The following CFAP92 variants were observed in gnomAD, a reference collection of about 807,000 sequenced individuals.
CFAP92 encodes the protein cilia and flagella associated protein 92 (putative).
In CFAP92, 86 loss-of-function variants were observed where a neutral mutation model predicts 106.3. That is an observed-to-expected ratio of 0.81 (90% CI 0.68 to 0.97). The LOEUF (loss-of-function observed/expected upper bound fraction) is 0.97. Among genes scored for constraint, CFAP92 ranks in the 50% least tolerant of loss-of-function variants. CFAP92 has a pLI of 0.00. For synonymous variants in CFAP92, 477 were observed against 506.4 expected (o/e 0.94, Z 0.78); for missense variants, 1,204 against 1,283.8 (o/e 0.94, Z 0.95).
intron 9 of CFAP92, among the ~76,000 whole-genome samples, chr3:128,962,103 C>T (rs1299565829): frequency 2.6e-5 from 4 of 152,226 alleles, no homozygotes; most frequent in Non-Finnish European, 4.4e-5. Flanking sequence ...CTGGCAGCCA[C>T]TCCCAGAGCC....
chr3:128,968,851 TA>T, intron 8 of CFAP92: 1 of 158,008 alleles, frequency 6.3e-6, no homozygotes, highest in Non-Finnish European at 1.4e-5. Context: ...CTCACGCCTG[TA>T]ATCCCAGCAC....
intron 11 of CFAP92, 124 bp from the exon 12 acceptor site, chr3:128,933,121 T>TC: frequency 1.1e-6 from 1 of 888,314 alleles, no homozygotes; most frequent in Non-Finnish European, 1.7e-6. Context: ...GTCCTGGAGC[T>TC]TGTGACTAAA....
At chr3:128,961,352 C>CT (rs1941902433) in intron 9 of CFAP92, among the ~76,000 whole-genome samples, 1 of 152,032 alleles carries the variant, frequency 6.6e-6, no homozygotes, top group Admixed American at 6.5e-5. Context: ...GCATCACTGA[C>CT]TCTTTCTAAT....
upstream of CFAP92, among the ~76,000 whole-genome samples, chr3:129,002,885 CG>C (rs970440344): frequency 1.7e-4 from 26 of 152,286 alleles, no homozygotes; most frequent in African/African-American, 6.3e-4. Context: ...CAGGCACTCA[CG>C]GGCCACCAAG....
the CFAP92 span, among the ~76,000 whole-genome samples, chr3:129,025,872 C>CA: frequency 4.6e-5 from 7 of 152,234 alleles, no homozygotes; most frequent in Non-Finnish European, 1.0e-4. Context: ...TTCCCAGCTT[C>CA]ACTGCCTGTG....
At chr3:128,995,926 C>T (rs193201918), upstream of CFAP92, among the ~76,000 whole-genome samples, 13 of 152,372 alleles carry the variant, frequency 8.5e-5, no homozygotes, top group South Asian at 4.1e-4. Flanking sequence ...ACATTCCTCC[C>T]ACCCAGTTGG....
the CFAP92 span, among the ~76,000 whole-genome samples, chr3:129,014,494 C>T: frequency 3.3e-5 from 5 of 152,236 alleles, no homozygotes; most frequent in Non-Finnish European, 5.9e-5. The surrounding 1 kb of genome is among the most constrained non-coding windows in gnomAD (Gnocchi z 4.3). Flanking sequence ...GTCCTAATCC[C>T]CTCTTCTTAG....
At chr3:128,922,122 G>A (rs552585734) in intron 12 of CFAP92, among the ~76,000 whole-genome samples, 39 of 152,158 alleles carry the variant, frequency 2.6e-4, no homozygotes, top group African/African-American at 8.4e-4. Context: ...GGCAGATCAC[G>A]AGGTCAGGAG....
At chr3:129,022,076 C>CT in the CFAP92 span, among the ~76,000 whole-genome samples, 2 of 152,172 alleles carry the variant, frequency 1.3e-5, no homozygotes, top group South Asian at 4.1e-4. Context: ...GTGCTGGTGT[C>CT]TAAGCATTTA....
chr3:128,938,411 A>G (rs1939272893), intron 10 of CFAP92, among the ~76,000 whole-genome samples: 1 of 152,010 alleles, frequency 6.6e-6, no homozygotes, highest in African/African-American at 2.4e-5. Flanking sequence ...CCTACACCTA[A>G]CATCATAGAT....
At chr3:129,026,040 T>TA in the CFAP92 span, among the ~76,000 whole-genome samples, 1 of 152,240 alleles carries the variant, frequency 6.6e-6, no homozygotes, top group Non-Finnish European at 1.5e-5. Flanking sequence ...CTCCAGCTCT[T>TA]AGTGCTTTGG....
At chr3:128,921,700 A>C (rs1937300129) in intron 12 of CFAP92, among the ~76,000 whole-genome samples, 1 of 152,220 alleles carries the variant, frequency 6.6e-6, no homozygotes, top group African/African-American at 2.4e-5. Context: ...AAAGGCAATC[A>C]CTGGGCAAAT....
chr3:128,979,972 A>ATATATATATATAT (rs59347397), intron 4 of CFAP92, among the ~76,000 whole-genome samples: 1 of 144,826 alleles, frequency 6.9e-6, no homozygotes. Context: ...ATATATATAT[A>ATATATATATATAT]AAAGAAAAAA....
chr3:128,967,981 T>C (rs1942506810), intron 8 of CFAP92: 1 of 152,228 alleles, frequency 6.6e-6, no homozygotes, highest in South Asian at 2.1e-4. Context: ...CACAGCCAAG[T>C]GTCCCCAGCA....
chr3:128,916,170 A>T lies in CFAP92; in HGVS notation c.2853T>A (p.Tyr951Ter). The change falls in exon 13 of 16, where the codon TAT (tyrosine) becomes TAA (stop). Residue 951 changes from tyrosine (Y) to a stop codon, truncating the protein, a stop_gained. Transcript: ENST00000645291. LOFTEE classifies it high-confidence loss of function. ...CTGTAGAATTCATGGTCTGGGTACT[A>T]TAGTTGTAGACGGCCTTGTTGGCAG... ...SAPANKAVYN[Y>*]STQTMNSTEL... 1 of 1,232,132 alleles carries T rather than the reference A, an allele frequency of 8.1e-7. No homozygotes were observed. 76.3% of individuals were successfully genotyped at this position (1,232,132 alleles called of 1,614,324 possible). A position where few individuals can be genotyped will look rare whatever the true frequency, so the allele number is the denominator to read the frequency against.
At chr3:129,026,315 C>T in the CFAP92 span, among the ~76,000 whole-genome samples, 3 of 151,958 alleles carry the variant, frequency 2.0e-5, no homozygotes, top group East Asian at 5.8e-4. Flanking sequence ...AAAGCTGTCC[C>T]TCCATCTCAT....
In CFAP92 at chr3:128,916,287, CCA is replaced by C. The variant is rs1936812618; in HGVS notation, c.2752-18_2752-17del. ...TGATATTTTTCTGAAGAAAGAGACACCAGTCACTACCCACACCAGGTCATCCT... is the reference window on the plus strand; with the variant it reads ...TGATATTTTTCTGAAGAAAGAGACACGTCACTACCCACACCAGGTCATCCT... On this transcript the variant is annotated splice_polypyrimidine_tract_variant and intron_variant, in intron 12 of 15. Transcript: ENST00000645291. The C allele has an allele frequency of 8.1e-7, 1 of 1,231,694 alleles. No individual in the cohort carries two copies. The highest frequency in any genetic ancestry group is 4.1e-5 in the South Asian group (1 of 24,314). 76.3% of individuals were successfully genotyped at this position (1,231,694 alleles called of 1,614,324 possible). A position where few individuals can be genotyped will look rare whatever the true frequency, so the allele number is the denominator to read the frequency against.
At chr3:128,953,701 A>T (rs1263023335) in intron 9 of CFAP92, among the ~76,000 whole-genome samples, 1 of 128,442 alleles carries the variant, frequency 7.8e-6, no homozygotes, top group East Asian at 2.5e-4. Context: ...ATCTCGGCTC[A>T]CTGCAACCTC....
At chr3:128,994,332 T>C (rs1944399571), upstream of CFAP92, among the ~76,000 whole-genome samples, 1 of 152,222 alleles carries the variant, frequency 6.6e-6, no homozygotes, top group Non-Finnish European at 1.5e-5. Context: ...ATAAGCCTGG[T>C]CCTTGCCCGT....
Sources: gnomAD v4.1 joint callset for allele counts (sites outside exome capture counted in the v4.1 genomes callset) on GRCh38, gnomAD v4.1.1 for gene constraint, Gnocchi (gnomAD v3.1) non-coding constraint, MANE v1.5 for transcripts, NCBI Gene and HGNC (gene_info 2026-07-23, HGNC 2026-07-21) for gene names.